Variants in PABPC4L observed in about 807,000 individuals in gnomAD.
The protein encoded by PABPC4L is poly(A) binding protein cytoplasmic 4 like, also known as polyadenylate-binding protein 4-like.
For missense variants in PABPC4L, 452 were observed against 451.4 expected, an observed-to-expected ratio of 1.00 and a Z score of -0.01; for synonymous variants, 169 against 164.1, an observed-to-expected ratio of 1.03 and a Z score of -0.23.
the PABPC4L span, among the ~76,000 whole-genome samples, chr4:134,183,995 A>T: frequency 6.6e-6 from 1 of 151,778 alleles, no homozygotes; most frequent in Non-Finnish European, 1.5e-5. Context: ...TGATTTCATC[A>T]TATCTATGGA....
the PABPC4L span, among the ~76,000 whole-genome samples, chr4:134,082,899 G>C: frequency 6.6e-6 from 1 of 152,236 alleles, no homozygotes; most frequent in South Asian, 2.1e-4. Flanking sequence ...AGCCTAGCTG[G>C]AAGCTGGCTG....
At chr4:134,123,328 A>C in the PABPC4L span, among the ~76,000 whole-genome samples, 1 of 152,054 alleles carries the variant, frequency 6.6e-6, no homozygotes, top group African/African-American at 2.4e-5. Flanking sequence ...AAACAGAAAA[A>C]TTACCAATAA....
the PABPC4L span, among the ~76,000 whole-genome samples, chr4:134,093,571 C>CTTTTTTTTTTTTTTT: frequency 6.9e-6 from 1 of 144,086 alleles, no homozygotes; most frequent in Non-Finnish European, 1.5e-5. Flanking sequence ...TTTTCTTTCT[C>CTTTTTTTTTTTTTTT]TTTTTTTTTT....
the PABPC4L span, among the ~76,000 whole-genome samples, chr4:134,142,770 T>C: frequency 6.6e-6 from 1 of 151,646 alleles, no homozygotes; most frequent in Non-Finnish European, 1.5e-5. Context: ...TACCTCTTAC[T>C]GAATCAGTAA....
the PABPC4L span, among the ~76,000 whole-genome samples, chr4:134,043,994 G>A: frequency 2.6e-5 from 4 of 151,730 alleles, no homozygotes; most frequent in Admixed American, 6.6e-5. Context: ...TGTCTCAAAC[G>A]ACACCTAGGT....
the PABPC4L span, among the ~76,000 whole-genome samples, chr4:134,077,448 A>G: frequency 1.3e-5 from 2 of 152,198 alleles, no homozygotes; most frequent in Non-Finnish European, 2.9e-5. Context: ...GAGGGGAAAA[A>G]AAAGTGTAAT....
At chr4:134,060,932 T>C in the PABPC4L span, among the ~76,000 whole-genome samples, 1 of 152,090 alleles carries the variant, frequency 6.6e-6, no homozygotes, top group South Asian at 2.1e-4. Context: ...GGAAGGATAG[T>C]GTGGGAGTGA....
At chr4:134,102,431 C>A in the PABPC4L span, among the ~76,000 whole-genome samples, 1 of 151,362 alleles carries the variant, frequency 6.6e-6, no homozygotes, top group Non-Finnish European at 1.5e-5. Flanking sequence ...GTTCCTGATA[C>A]CCCAGCACAA....
chr4:134,008,653 G>GA, the PABPC4L span, among the ~76,000 whole-genome samples: 1 of 151,756 alleles, frequency 6.6e-6, no homozygotes, highest in African/African-American at 2.4e-5. Flanking sequence ...ATAGTGAGAT[G>GA]AATATATTTT....
the PABPC4L span, among the ~76,000 whole-genome samples, chr4:134,070,196 G>T: frequency 6.6e-6 from 1 of 151,928 alleles, no homozygotes; most frequent in Non-Finnish European, 1.5e-5. Flanking sequence ...TGCATTGGTG[G>T]GGCCTAGGTG....
the PABPC4L span, among the ~76,000 whole-genome samples, chr4:134,002,145 A>G: frequency 6.6e-6 from 1 of 152,116 alleles, no homozygotes; most frequent in South Asian, 2.1e-4. Context: ...TAAGATATAT[A>G]TTGCATAATA....
At chr4:134,043,667 T>A in the PABPC4L span, among the ~76,000 whole-genome samples, 1 of 147,178 alleles carries the variant, frequency 6.8e-6, no homozygotes, top group Non-Finnish European at 1.5e-5. Context: ...AAAAATGTAC[T>A]TTTTTAAAAG....
chr4:134,076,987 T>C, the PABPC4L span, among the ~76,000 whole-genome samples: 1 of 152,154 alleles, frequency 6.6e-6, no homozygotes, highest in Non-Finnish European at 1.5e-5. Context: ...CTATAGAACA[T>C]TTTTATAGCA....
the PABPC4L span, among the ~76,000 whole-genome samples, chr4:134,045,880 G>A: frequency 2.0e-5 from 3 of 152,084 alleles, no homozygotes; most frequent in African/African-American, 7.2e-5. Flanking sequence ...CATTCATTAT[G>A]AAACAATGTG....
At chr4:133,971,908 G>T in the PABPC4L span, among the ~76,000 whole-genome samples, 1 of 152,046 alleles carries the variant, frequency 6.6e-6, no homozygotes, top group East Asian at 1.9e-4. Flanking sequence ...TTCTTAATAT[G>T]CCCTCTCAAA....
chr4:133,957,928 C>T, the PABPC4L span, among the ~76,000 whole-genome samples: 13 of 152,316 alleles, frequency 8.5e-5, no homozygotes, highest in Non-Finnish European at 1.5e-4. Flanking sequence ...GCCCTGTGCC[C>T]AGCCTAGGAA....
chr4:134,034,821 T>A, the PABPC4L span, among the ~76,000 whole-genome samples: 1 of 151,962 alleles, frequency 6.6e-6, no homozygotes, highest in Non-Finnish European at 1.5e-5. Context: ...GATCATGATG[T>A]GAACACTGTT....
the PABPC4L span, among the ~76,000 whole-genome samples, chr4:134,047,760 C>G: frequency 6.7e-6 from 1 of 150,324 alleles, no homozygotes; most frequent in African/African-American, 2.4e-5. Flanking sequence ...CTGAGGTAGG[C>G]AGGCTGCAGT....
the PABPC4L span, among the ~76,000 whole-genome samples, chr4:134,055,953 T>C: frequency 1.3e-5 from 2 of 152,054 alleles, no homozygotes; most frequent in African/African-American, 2.4e-5. Context: ...CTGGATTTCA[T>C]ACATAAGTCT....
Sources: allele counts gnomAD v4.1 joint callset (sites outside exome capture counted in the v4.1 genomes callset), GRCh38; gene constraint gnomAD v4.1.1; transcripts MANE v1.5; gene names NCBI Gene and HGNC (gene_info 2026-07-23, HGNC 2026-07-21).